The following PIP5K1C variants were observed in gnomAD, a reference collection of about 807,000 sequenced individuals.
The protein encoded by PIP5K1C is phosphatidylinositol 4-phosphate 5-kinase type-1 gamma.
A neutral mutation model predicts 80.1 loss-of-function variants in PIP5K1C; 45 were observed. The ratio of observed to expected loss-of-function variants is 0.56; its 90% CI spans 0.44 to 0.72. PIP5K1C has a LOEUF of 0.72. PIP5K1C is among the 30% of genes least tolerant of loss of function. The pLI, the probability that PIP5K1C is intolerant of heterozygous loss-of-function variation, is 0.00. For synonymous variants in PIP5K1C, 498 were observed against 420.1 expected (o/e 1.19, Z -2.27); for missense variants, 753 against 954.6 (o/e 0.79, Z 2.78).
chr19:3,644,642 G>A (rs1300455481), intron 11 of PIP5K1C, among the ~76,000 whole-genome samples: 1 of 152,240 alleles, frequency 6.6e-6, no homozygotes, highest in African/African-American at 2.4e-5. Flanking sequence ...GCCTTGGGGA[G>A]CACCAGGTGT....
intron 10 of PIP5K1C, among the ~76,000 whole-genome samples, chr19:3,646,605 G>A (rs1457165954): frequency 6.6e-6 from 1 of 152,206 alleles, no homozygotes; most frequent in African/African-American, 2.4e-5. Flanking sequence ...GGCCAGCCTC[G>A]TCAGAGCCGA....
chr19:3,647,600 G>A (rs2034285877), intron 9 of PIP5K1C, among the ~76,000 whole-genome samples: 1 of 152,156 alleles, frequency 6.6e-6, no homozygotes, highest in African/African-American at 2.4e-5. Flanking sequence ...CCACCCCAGA[G>A]AACCATCTGG....
intron 13 of PIP5K1C, 85 bp downstream of exon 13, chr19:3,643,158 G>T (rs1335140645): frequency 1.3e-6 from 2 of 1,591,478 alleles, no homozygotes; most frequent in Admixed American, 3.4e-5. Context: ...CATGCACAGC[G>T]GATGCCCCGC....
chr19:3,672,213 G>A lies in PIP5K1C; in HGVS notation c.95-4860C>T, dbSNP rs199586061. Among the ~76,000 whole-genome samples the A allele has an allele frequency of 2.0e-4, 30 of 152,372 alleles. 1 individual carries two copies. The East Asian group carries it at 4.4e-3, about 23-fold the overall frequency. On this transcript the variant is annotated intron_variant, in intron 1 of 17. Coordinates refer to ENST00000335312, the MANE Select transcript of PIP5K1C (RefSeq NM_012398.3). ...GGCTGAAGCCAGCTCGAGCCCTAGA[G>A]GCACTGCCATTCTCCACGGGGCCAC... is the stretch of plus-strand genomic sequence containing the variant.
At chr19:3,639,534 C>T (rs1454772704) in intron 15 of PIP5K1C, among the ~76,000 whole-genome samples, 2 of 152,154 alleles carry the variant, frequency 1.3e-5, no homozygotes, top group Admixed American at 6.5e-5. Flanking sequence ...CGGGCTCAAG[C>T]GATCCTCCAA....
At chr19:3,671,667 C>A (rs1445992417) in intron 1 of PIP5K1C, among the ~76,000 whole-genome samples, 1 of 152,162 alleles carries the variant, frequency 6.6e-6, no homozygotes, top group Admixed American at 6.5e-5. Context: ...GAACGGGCAG[C>A]AAGGGGAGAC....
intron 1 of PIP5K1C, among the ~76,000 whole-genome samples, chr19:3,674,912 C>T (rs1313158889): frequency 6.6e-6 from 1 of 152,170 alleles, no homozygotes; most frequent in Non-Finnish European, 1.5e-5. Flanking sequence ...ATTATTCAGC[C>T]ATGAAAAGGA....
intron 12 of PIP5K1C, among the ~76,000 whole-genome samples, chr19:3,643,645 GTCTTCCCCTCCACTGCTC>G (rs1396804081): frequency 4.6e-5 from 7 of 150,580 alleles, no homozygotes; most frequent in African/African-American, 1.7e-4. Context: ...CCTCCCCGCT[GTCTTCCCCTCCACTGCTC>G]TCTTCCCCTC....
chr19:3,690,036 C>G (rs1473737857), intron 1 of PIP5K1C, among the ~76,000 whole-genome samples: 1 of 152,004 alleles, frequency 6.6e-6, no homozygotes, highest in Non-Finnish European at 1.5e-5. Flanking sequence ...CCTGGGGTGA[C>G]AGTCATTATC....
At chr19:3,687,515 ATG>A (rs373520209) in intron 1 of PIP5K1C, among the ~76,000 whole-genome samples, 8 of 124,518 alleles carry the variant, frequency 6.4e-5, no homozygotes, top group African/African-American at 1.0e-4. Context: ...ATGCACATAC[ATG>A]CACACATGCA....
intron 1 of PIP5K1C, among the ~76,000 whole-genome samples, chr19:3,682,247 G>A (rs368722158): frequency 1.3e-5 from 2 of 151,950 alleles, no homozygotes; most frequent in South Asian, 2.1e-4. Flanking sequence ...GGGGGTGCGC[G>A]CCTGTAATCC....
At chr19:3,660,741 C>A (rs1221189991) in intron 5 of PIP5K1C, among the ~76,000 whole-genome samples, 1 of 152,076 alleles carries the variant, frequency 6.6e-6, no homozygotes, top group South Asian at 2.1e-4. Context: ...TCCCAGCCAA[C>A]GCCAGCCAGG....
chr19:3,670,816 G>C (rs987828856), intron 1 of PIP5K1C, among the ~76,000 whole-genome samples: 1 of 152,254 alleles, frequency 6.6e-6, no homozygotes, highest in Non-Finnish European at 1.5e-5. Context: ...CTCACTGCAG[G>C]GGCGGGGACG....
In PIP5K1C at chr19:3,637,030, C is replaced by T; in HGVS notation, c.1920+1854G>A. ...GGAGCCGAGGCCTCAGCGCCTCCAT[C>T]TGTGAGGTGGGTGTGGAGAGACCAT... is the stretch of plus-strand genomic sequence containing the variant. On this transcript the variant is annotated intron_variant, in intron 16 of 17. Coordinates refer to ENST00000335312, the MANE Select transcript of PIP5K1C (RefSeq NM_012398.3). The surrounding 1 kb of genome is among the most constrained non-coding windows in gnomAD (Gnocchi z 7.0). The T allele has an allele frequency of 5.6e-6, 6 of 1,069,666 alleles. No homozygotes were observed. Among genetic ancestry groups the T allele is most frequent in the Non-Finnish European group, 6.8e-6 (6 of 882,094 alleles). 66.3% of individuals were successfully genotyped at this position (1,069,666 alleles called of 1,614,324 possible). A position where few individuals can be genotyped will look rare whatever the true frequency, so the allele number is the denominator to read the frequency against.
rs200246797 is a variant in PIP5K1C, at chr19:3,633,464, G to A, written c.1977C>T (p.Pro659=). The change falls in exon 17 of 18, where the codon CCC becomes CCT. Residue 659 remains proline (P), a synonymous_variant. Transcript: ENST00000335312. ...TGTCGCTCTCGCCGTCGGAGGCCGG[G>A]GGGGCCTGGGCGCTATAGTGGAGCG... ...YSPLHYSAQA[P]PASDGESDT 1.2e-5 allele frequency: 18 copies of A among 1,509,184 alleles called. No individual in the cohort carries two copies. Among genetic ancestry groups the A allele is most frequent in the Middle Eastern group, 1.8e-4 (1 of 5,536 alleles). The allele number at this position is 1,509,184 out of a possible 1,614,324, so 93.5% of individuals were successfully genotyped here.
At chr19:3,698,828 A>T (rs1454386754) in intron 1 of PIP5K1C, among the ~76,000 whole-genome samples, 1 of 152,084 alleles carries the variant, frequency 6.6e-6, no homozygotes, top group Non-Finnish European at 1.5e-5. Flanking sequence ...GCAACTCTGA[A>T]TTTTAAACAT....
chr19:3,677,717 T>TGGGATGGAGGGAGGG (rs2035405169), intron 1 of PIP5K1C, among the ~76,000 whole-genome samples: 1 of 102,762 alleles, frequency 9.7e-6, no homozygotes, highest in African/African-American at 4.2e-5. Flanking sequence ...GGAGGGATGG[T>TGGGATGGAGGGAGGG]GGGATGGAGG....
intron 1 of PIP5K1C, among the ~76,000 whole-genome samples, chr19:3,670,304 G>A (rs904110950): frequency 2.0e-5 from 3 of 152,222 alleles, no homozygotes; most frequent in Non-Finnish European, 4.4e-5. Context: ...CTTTGCTGAT[G>A]TCATTGGGTA....
rs1369502311 is a variant in PIP5K1C at position 3,643,070 on chromosome 19, C to A, written c.1650-131G>T. 16 of 1,462,820 alleles carry A rather than the reference C, an allele frequency of 1.1e-5. No individual in the cohort carries two copies. The East Asian group carries it at 3.7e-4, about 33-fold the overall frequency. The allele number at this position is 1,462,820 out of a possible 1,614,324, so 90.6% of individuals were successfully genotyped here. On this transcript the variant is annotated intron_variant, in intron 13 of 17. Transcript: ENST00000335312. ...CCCACCTGTACATATGCTCCTCCCT[C>A]CCACACATTGGATGCTCCGCCCCCG...
Sources: gnomAD v4.1 joint callset for allele counts (sites outside exome capture counted in the v4.1 genomes callset) on GRCh38, gnomAD v4.1.1 for gene constraint, Gnocchi (gnomAD v3.1) non-coding constraint, MANE v1.5 for transcripts, NCBI Gene and HGNC (gene_info 2026-07-23, HGNC 2026-07-21) for gene names.